The following CSMD3 variants were observed in gnomAD, a reference collection of about 807,000 sequenced individuals.
CSMD3 encodes the protein CUB and sushi domain-containing protein 3.
CSMD3 carries 177 observed loss-of-function variants against 435.2 expected under a neutral mutation model. The ratio of observed to expected loss-of-function variants is 0.41; its 90% CI spans 0.36 to 0.46. CSMD3 has a LOEUF of 0.46. CSMD3 is among the 20% of genes least tolerant of loss of function. The pLI is 0.34. For missense variants in CSMD3, 4,265 were observed against 4,504.6 expected, an observed-to-expected ratio of 0.95 and a Z score of 1.52; for synonymous variants, 1,656 against 1,520.5, an observed-to-expected ratio of 1.09 and a Z score of -2.07.
chr8:113,116,989 TAAAAGTTTGGAA>T (rs2090850356), intron 4 of CSMD3, among the ~76,000 whole-genome samples: 1 of 152,122 alleles, frequency 6.6e-6, no homozygotes, highest in Non-Finnish European at 1.5e-5. Flanking sequence ...AAACACGGCA[TAAAAGTTTGGAA>T]AATTTGCAAC....
At chr8:112,385,942 G>A (rs758636933) in intron 36 of CSMD3, among the ~76,000 whole-genome samples, 3 of 152,192 alleles carry the variant, frequency 2.0e-5, no homozygotes, top group African/African-American at 4.8e-5. Flanking sequence ...AAATACTACC[G>A]TATATGGAAA....
intron 10 of CSMD3, among the ~76,000 whole-genome samples, chr8:112,888,772 G>A (rs2081688421): frequency 6.6e-6 from 1 of 151,604 alleles, no homozygotes; most frequent in Non-Finnish European, 1.5e-5. Flanking sequence ...CACGTTCACA[G>A]ATTTTTCTTT....
chr8:112,360,280 A>G (rs1383266299), intron 38 of CSMD3, among the ~76,000 whole-genome samples: 1 of 151,974 alleles, frequency 6.6e-6, no homozygotes, highest in Non-Finnish European at 1.5e-5. Flanking sequence ...GGTCATATAT[A>G]TAAAAAACTA....
At chr8:113,000,905 A>G (rs759387787) in intron 6 of CSMD3, among the ~76,000 whole-genome samples, 24 of 152,178 alleles carry the variant, frequency 1.6e-4, no homozygotes, top group Admixed American at 3.3e-4. Flanking sequence ...TCTTGAACTT[A>G]AACATCACAG....
chr8:113,195,814 T>TACACACACACAC (rs1015240509), intron 3 of CSMD3, among the ~76,000 whole-genome samples: 1 of 133,444 alleles, frequency 7.5e-6, no homozygotes. Flanking sequence ...TATATATATA[T>TACACACACACAC]ACACACACAC....
chr8:112,695,852 T>G (rs2076241891), intron 13 of CSMD3, among the ~76,000 whole-genome samples: 1 of 152,118 alleles, frequency 6.6e-6, no homozygotes, highest in Admixed American at 6.5e-5. Context: ...CAGCCCAAAA[T>G]CTCCTTAGGC....
At chr8:113,023,089 CT>C (rs535247654) in intron 5 of CSMD3, among the ~76,000 whole-genome samples, 1 of 151,704 alleles carries the variant, frequency 6.6e-6, no homozygotes, top group African/African-American at 2.4e-5. Context: ...TGAGCTTATT[CT>C]TTTTTTTCTT....
intron 13 of CSMD3, among the ~76,000 whole-genome samples, chr8:112,731,897 A>T (rs893479150): frequency 1.3e-5 from 2 of 152,170 alleles, no homozygotes; most frequent in African/African-American, 4.8e-5. Flanking sequence ...TATCAACAGT[A>T]GGAGTCAGTT....
At chr8:112,401,892 T>C (rs1831376133) in intron 35 of CSMD3, among the ~76,000 whole-genome samples, 1 of 152,274 alleles carries the variant, frequency 6.6e-6, no homozygotes, top group East Asian at 1.9e-4. Flanking sequence ...ACATTTTCCA[T>C]ATAATAACTT....
At chr8:113,243,300 T>A (rs72670707) in intron 3 of CSMD3, among the ~76,000 whole-genome samples, 9,801 of 152,018 alleles carry the variant, frequency 0.064, 451 homozygotes, top group Non-Finnish European at 0.095. Flanking sequence ...TGTTGGTACA[T>A]TAAGGGAAAT....
At chr8:113,045,468 G>T (rs2087790229) in intron 5 of CSMD3, among the ~76,000 whole-genome samples, 1 of 149,104 alleles carries the variant, frequency 6.7e-6, no homozygotes, top group Non-Finnish European at 1.5e-5. Context: ...AAAGCAGCTG[G>T]TCTATATGCC....
At chr8:113,085,418 C>T (rs2089726999) in intron 5 of CSMD3, among the ~76,000 whole-genome samples, 1 of 152,094 alleles carries the variant, frequency 6.6e-6, no homozygotes, top group Admixed American at 6.5e-5. Context: ...CCAGCAATCC[C>T]ACTATTGAAT....
At chr8:113,194,901 G>C (rs951552868) in intron 3 of CSMD3, among the ~76,000 whole-genome samples, 2 of 151,006 alleles carry the variant, frequency 1.3e-5, no homozygotes, top group African/African-American at 4.8e-5. Flanking sequence ...TATGTATTTC[G>C]TTAAAGTCTT....
At chr8:113,186,667 TC>T (rs2092507439) in intron 3 of CSMD3, among the ~76,000 whole-genome samples, 1 of 151,986 alleles carries the variant, frequency 6.6e-6, no homozygotes, top group African/African-American at 2.4e-5. Flanking sequence ...ATGGAACTCT[TC>T]GGGGCACTGC....
At chr8:112,791,259 G>C (rs571358450) in intron 13 of CSMD3, among the ~76,000 whole-genome samples, 1 of 149,136 alleles carries the variant, frequency 6.7e-6, no homozygotes, top group East Asian at 2.0e-4. Flanking sequence ...ACTTGAGAGA[G>C]TGCAGTGAGC....
At chr8:112,976,774 T>C (rs1407773624) in intron 6 of CSMD3, among the ~76,000 whole-genome samples, 4 of 152,134 alleles carry the variant, frequency 2.6e-5, no homozygotes, top group Admixed American at 6.6e-5. Flanking sequence ...TAATACTTTC[T>C]ACTATTTTTA....
At chr8:112,268,452 C>A (rs1417559499) in intron 59 of CSMD3, among the ~76,000 whole-genome samples, 1 of 152,184 alleles carries the variant, frequency 6.6e-6, no homozygotes, top group Non-Finnish European at 1.5e-5. Context: ...TCTCTTTTAA[C>A]TTCTTATACA....
At chr8:113,173,002 T>C (rs767702222) in intron 4 of CSMD3, among the ~76,000 whole-genome samples, 10 of 152,198 alleles carry the variant, frequency 6.6e-5, no homozygotes, top group Non-Finnish European at 1.2e-4. Context: ...CTTAATAGTA[T>C]TGATAGTAAA....
In CSMD3 at chr8:113,314,811, A is replaced by G. The variant is rs2093896813; in HGVS notation, c.179-18T>C. The G allele has an allele frequency of 2.2e-6, 3 of 1,379,574 alleles. No homozygotes were observed. Among genetic ancestry groups the G allele is most frequent in the African/African-American group, 1.4e-5 (1 of 70,298 alleles). 85.5% of individuals were successfully genotyped at this position (1,379,574 alleles called of 1,614,324 possible). A position where few individuals can be genotyped will look rare whatever the true frequency, so the allele number is the denominator to read the frequency against. On this transcript the variant is annotated intron_variant, in intron 1 of 70. Transcript: ENST00000297405. Reference sequence around the variant, plus strand: ...AATAAATCCTGCAACAAAAGACAATAAACAGACATTAATATTATATAAATC... The same window carrying G: ...AATAAATCCTGCAACAAAAGACAATGAACAGACATTAATATTATATAAATC...
Sources: gnomAD v4.1 joint callset for allele counts (sites outside exome capture counted in the v4.1 genomes callset) on GRCh38, gnomAD v4.1.1 for gene constraint, MANE v1.5 for transcripts, NCBI Gene and HGNC (gene_info 2026-07-23, HGNC 2026-07-21) for gene names.